The following RGS6 variants were observed in gnomAD, a reference collection of about 807,000 sequenced individuals.
RGS6 encodes the protein regulator of G protein signaling 6, also known as regulator of G-protein signaling 6.
In RGS6, 30 loss-of-function variants were observed where a neutral mutation model predicts 78.5. The observed-to-expected ratio is 0.38, with a 90% CI of 0.29 to 0.52. The LOEUF is 0.52. Among genes scored for constraint, RGS6 ranks in the 20% least tolerant of loss-of-function variants. The pLI is 0.85. For missense variants in RGS6, 495 were observed against 609.7 expected (o/e 0.81, Z 1.98); for synonymous variants, 206 against 206.0 (o/e 1.00, Z 0.00).
At chr14:72,100,841 T>C (rs1405275259) in intron 2 of RGS6, among the ~76,000 whole-genome samples, 1 of 152,208 alleles carries the variant, frequency 6.6e-6, no homozygotes, top group African/African-American at 2.4e-5. Context: ...CTCTGGGAGA[T>C]GGGAGCTAGG....
chr14:72,306,560 A>G (rs2067288860), intron 2 of RGS6, among the ~76,000 whole-genome samples: 2 of 152,216 alleles, frequency 1.3e-5, no homozygotes, highest in African/African-American at 4.8e-5. Flanking sequence ...AGGAGGCCAA[A>G]ATTTCAACAT....
intron 2 of RGS6, among the ~76,000 whole-genome samples, chr14:72,340,748 G>C (rs2076839658): frequency 6.6e-6 from 1 of 152,178 alleles, no homozygotes; most frequent in African/African-American, 2.4e-5. Flanking sequence ...CTGGGAGACT[G>C]TGAAAGGCTC....
At chr14:72,107,821 A>G (rs2095665377) in intron 2 of RGS6, among the ~76,000 whole-genome samples, 1 of 152,160 alleles carries the variant, frequency 6.6e-6, no homozygotes, top group Non-Finnish European at 1.5e-5. Context: ...AATATGTCAT[A>G]ATTACTCATT....
intron 2 of RGS6, among the ~76,000 whole-genome samples, chr14:71,982,008 G>A (rs925448070): frequency 1.3e-5 from 2 of 152,070 alleles, no homozygotes; most frequent in African/African-American, 2.4e-5. Flanking sequence ...TTTTAAGCCC[G>A]TCGGAAAAGC....
At chr14:72,623,128 A>G in the RGS6 span, among the ~76,000 whole-genome samples, 6 of 152,368 alleles carry the variant, frequency 3.9e-5, no homozygotes, top group East Asian at 1.2e-3. Context: ...ACATGTTTAC[A>G]TTTAAACAAA....
At chr14:72,351,215 A>G (rs1409164337) in intron 2 of RGS6, among the ~76,000 whole-genome samples, 2 of 152,184 alleles carry the variant, frequency 1.3e-5, no homozygotes, top group East Asian at 3.8e-4. Flanking sequence ...TCTCCCCTTC[A>G]GTTGCTCTCC....
Position 72,563,023 on chromosome 14 carries a change from C to T in RGS6, c.*556C>T, listed in dbSNP as rs1206873579. On this transcript the variant is annotated 3_prime_UTR_variant, in exon 18 of 18. Coordinates refer to ENST00000553525, the MANE Select transcript of RGS6 (RefSeq NM_001204424.2). ...CTGCCAGCACCAGGCACTGCTTTCACGTAAAATGTCCAAATCACATCTTCA... is the reference window on the plus strand; with the variant it reads ...CTGCCAGCACCAGGCACTGCTTTCATGTAAAATGTCCAAATCACATCTTCA... The T allele has an allele frequency of 4.3e-5, 23 of 536,670 alleles. No individual in the cohort carries two copies. The highest frequency in any genetic ancestry group is 7.4e-5 in the Non-Finnish European group (22 of 298,162). The allele number at this position is 536,670 out of a possible 1,614,324, so 33.2% of individuals were successfully genotyped here. A position where few individuals can be genotyped will look rare whatever the true frequency, so the allele number is the denominator to read the frequency against.
chr14:72,231,882 C>T (rs847308), intron 2 of RGS6, among the ~76,000 whole-genome samples: 49,373 of 151,774 alleles, frequency 0.33, 9,060 homozygotes, highest in South Asian at 0.46. Context: ...AACAAGGAGC[C>T]ATGTTGGGTG....
intron 2 of RGS6, among the ~76,000 whole-genome samples, chr14:71,981,167 A>G (rs1056725768): frequency 1.4e-5 from 2 of 148,090 alleles, no homozygotes; most frequent in African/African-American, 4.9e-5. Flanking sequence ...ATTCTTCTAA[A>G]TTTTTTTCAA....
chr14:71,964,965 T>A, intron 2 of RGS6, 90 bp downstream of exon 2: 1 of 869,524 alleles, frequency 1.2e-6, no homozygotes, highest in Non-Finnish European at 1.7e-6. Context: ...GTTTTCTGCC[T>A]AAACTGCCTT....
chr14:72,218,864 C>G (rs1003565530), intron 2 of RGS6, among the ~76,000 whole-genome samples: 1 of 152,016 alleles, frequency 6.6e-6, no homozygotes, highest in Non-Finnish European at 1.5e-5. Context: ...CCCACCTTGG[C>G]CTTCCAAAGT....
intron 3 of RGS6, among the ~76,000 whole-genome samples, chr14:72,413,053 G>T (rs1395243690): frequency 2.0e-5 from 3 of 152,302 alleles, no homozygotes; most frequent in Admixed American, 6.5e-5. Context: ...TGTTGATTTG[G>T]GGTGGAGAGT....
chr14:72,502,270 C>A (rs1398675543), intron 13 of RGS6, among the ~76,000 whole-genome samples: 1 of 152,214 alleles, frequency 6.6e-6, no homozygotes, highest in East Asian at 1.9e-4. Flanking sequence ...CAACTAGCAT[C>A]AGCTGTTAGG....
At chr14:72,357,731 A>C (rs113978440) in intron 3 of RGS6, among the ~76,000 whole-genome samples, 415 of 152,282 alleles carry the variant, frequency 2.7e-3, no homozygotes, top group African/African-American at 9.3e-3. Context: ...AAGTTTGGAA[A>C]ATTTGCAGCC....
chr14:72,497,831 T>G (rs1423869795), intron 13 of RGS6, among the ~76,000 whole-genome samples: 2 of 147,862 alleles, frequency 1.4e-5, no homozygotes, highest in Non-Finnish European at 2.9e-5. Context: ...CAGGATTTTT[T>G]TTCTCTTTTT....
intron 3 of RGS6, among the ~76,000 whole-genome samples, chr14:72,356,930 C>A (rs1290484694): frequency 6.6e-6 from 1 of 152,168 alleles, no homozygotes; most frequent in African/African-American, 2.4e-5. Flanking sequence ...TGGACTAATA[C>A]CGTAAATTGT....
chr14:72,493,549 T>C (rs930685393), intron 12 of RGS6, among the ~76,000 whole-genome samples: 14 of 152,126 alleles, frequency 9.2e-5, no homozygotes, highest in African/African-American at 3.4e-4. Flanking sequence ...GGGTTTAAAA[T>C]TAGTGATGAA....
intron 2 of RGS6, among the ~76,000 whole-genome samples, chr14:72,040,714 G>A (rs1161327593): frequency 2.8e-4 from 43 of 151,992 alleles, no homozygotes; most frequent in Admixed American, 2.8e-3. Flanking sequence ...TTCTTTCTCA[G>A]GGACTCTCAT....
chr14:72,521,525 T>C (rs543230595), intron 15 of RGS6, among the ~76,000 whole-genome samples: 2 of 152,318 alleles, frequency 1.3e-5, no homozygotes, highest in South Asian at 4.1e-4. Context: ...TACTTCTAAA[T>C]ACATTCTATC....
Sources: allele counts gnomAD v4.1 joint callset (sites outside exome capture counted in the v4.1 genomes callset), GRCh38; gene constraint gnomAD v4.1.1; transcripts MANE v1.5; gene names NCBI Gene and HGNC (gene_info 2026-07-23, HGNC 2026-07-21).